The following FANCA variants were observed in gnomAD, a reference collection of about 807,000 sequenced individuals.
FANCA encodes the protein Fanconi anemia group A protein.
A neutral mutation model predicts 194.3 loss-of-function variants in FANCA; 236 were observed. The observed-to-expected ratio is 1.21, with a 90% confidence interval of 1.09 to 1.35. The LOEUF (loss-of-function observed/expected upper bound fraction) is 1.35, where lower values mean the gene tolerates loss of function less well. Ranked by LOEUF, FANCA falls within the 40% of genes most tolerant of loss-of-function variation. The pLI is 0.00. For missense variants in FANCA, 2,628 were observed against 1,813.9 expected, an observed-to-expected ratio of 1.45 and a Z score of -8.15; for synonymous variants, 1,014 against 715.8, an observed-to-expected ratio of 1.42 and a Z score of -6.65.
At chr16:89,749,588 C>A in intron 32 of FANCA, 142 bp downstream of exon 32, 1 of 1,081,702 alleles carries the variant, frequency 9.2e-7, no homozygotes, top group Non-Finnish European at 1.4e-6. Context: ...GCATGTGCCA[C>A]AGAAATGGAC....
Position 89,740,879 on chromosome 16 carries a change from AC to A in FANCA, c.3766-14del. ...GGAAAACCAATAGCTGTAAATAAAA[AC>A]GTGCACTTATTATTACATTAAAATT... On this transcript the variant is annotated splice_polypyrimidine_tract_variant and intron_variant, in intron 37 of 42. Coordinates refer to ENST00000389301, the MANE Select transcript of FANCA (RefSeq NM_000135.4). The A allele has an allele frequency of 1.2e-6, 2 of 1,607,248 alleles. No homozygotes were observed. Among genetic ancestry groups the A allele is most frequent in the African/African-American group, 2.7e-5 (2 of 74,804 alleles).
chr16:89,801,467 C>T lies in FANCA; in HGVS notation c.792+1792G>A, dbSNP rs187760240. Among the ~76,000 whole-genome samples the T allele has an allele frequency of 1.1e-3, 171 of 152,150 alleles. 1 individual carries two copies. Among genetic ancestry groups the T allele is most frequent in the African/African-American group, 4.0e-3 (166 of 41,490 alleles). On this transcript the variant is annotated intron_variant, in intron 8 of 42. Coordinates refer to ENST00000389301, the MANE Select transcript of FANCA (RefSeq NM_000135.4). ...TCAAGAAAACAAAAAATAACAAATGCTGGTGAGAATGCAAACAGAACTCTT... is the reference window on the plus strand; with the variant it reads ...TCAAGAAAACAAAAAATAACAAATGTTGGTGAGAATGCAAACAGAACTCTT...
In FANCA at chr16:89,810,956, G is replaced by T. The variant is rs56190097; in HGVS notation, c.399C>A (p.His133Gln). ...QICTAPAETS[H>Q]PVLLTVEQRK... is the part of the protein sequence containing the mutation. The stretch of plus-strand genomic sequence containing the variant: ...TCTGCTCCACAGTCAGCAGCACAGG[G>T]TGACTGGTCTCCGCTGGAGCCGTGC... Residue 133 changes from histidine to glutamine, a missense_variant, in exon 4 of 43, where the codon CAC (histidine) becomes CAA (glutamine). His to Gln is a conservative substitution (Grantham distance 24). Transcript: ENST00000389301. The T allele has an allele frequency of 6.2e-7, 1 of 1,614,004 alleles. No homozygotes were observed. Among genetic ancestry groups the T allele is most frequent in the Non-Finnish European group, 8.5e-7 (1 of 1,180,054 alleles).
chr16:89,816,352 G>C, intron 1 of FANCA, 185 bp downstream of exon 1: 1 of 326,830 alleles, frequency 3.1e-6, no homozygotes, highest in Non-Finnish European at 5.3e-6. Flanking sequence ...GTCCGCCCAG[G>C]CGCAGGAGGG....
At chr16:89,799,275 G>T in intron 9 of FANCA, 43 bp from the exon 10 acceptor site, 3 of 1,610,720 alleles carry the variant, frequency 1.9e-6, no homozygotes, top group Non-Finnish European at 2.5e-6. Context: ...TCAGCACACG[G>T]CGGCAGCCCA....
At chr16:89,806,103 G>A (rs920412174) in intron 6 of FANCA, among the ~76,000 whole-genome samples, 4 of 152,022 alleles carry the variant, frequency 2.6e-5, no homozygotes, top group Non-Finnish European at 4.4e-5. Flanking sequence ...AGTAGAGACA[G>A]GGTTTCACCA....
chr16:89,772,097 T>G (rs928406505), intron 22 of FANCA, among the ~76,000 whole-genome samples: 4 of 152,222 alleles, frequency 2.6e-5, no homozygotes, highest in Non-Finnish European at 4.4e-5. Flanking sequence ...CCTCCCCATC[T>G]GAAATCCCAT....
intron 14 of FANCA, among the ~76,000 whole-genome samples, chr16:89,790,459 G>C (rs951669420): frequency 6.6e-6 from 1 of 151,760 alleles, no homozygotes; most frequent in African/African-American, 2.4e-5. Flanking sequence ...GGCCAGGTGC[G>C]CTGGCTCATG....
At chr16:89,809,278 T>A (rs1567652051) in intron 5 of FANCA, among the ~76,000 whole-genome samples, 2 of 152,092 alleles carry the variant, frequency 1.3e-5, no homozygotes, top group Non-Finnish European at 2.9e-5. Context: ...ATGTCCAACA[T>A]CTTCTTCGCA....
At chr16:89,739,666 A>G in intron 39 of FANCA, 113 bp from the exon 40 acceptor site, 1 of 1,504,860 alleles carries the variant, frequency 6.6e-7, no homozygotes, top group Non-Finnish European at 9.0e-7. Context: ...CTGTGGGGAT[A>G]GTGTGGGGCG....
At chr16:89,763,155 G>C (rs2039011005) in intron 28 of FANCA, among the ~76,000 whole-genome samples, 1 of 151,980 alleles carries the variant, frequency 6.6e-6, no homozygotes, top group South Asian at 2.1e-4. Context: ...GCCGAGTCAG[G>C]AGAATCCCTT....
rs1359653342 is a variant in FANCA at position 89,738,141 on chromosome 16, A to C, written c.*460T>G. On this transcript the variant is annotated 3_prime_UTR_variant, in exon 43 of 43. Transcript: ENST00000389301. ...ACATGTCCATGGTGCACCCGCTGAC[A>C]CAGACCCAGGACAAGGCCCTGCCCC... 6.2e-7 allele frequency: 1 copy of C among 1,613,642 alleles called. No homozygotes were observed. The highest frequency in any genetic ancestry group is 8.5e-7 in the Non-Finnish European group (1 of 1,179,998).
At chr16:89,760,233 C>A (rs560872362) in intron 29 of FANCA, among the ~76,000 whole-genome samples, 17 of 152,238 alleles carry the variant, frequency 1.1e-4, no homozygotes, top group African/African-American at 3.9e-4. Context: ...GGAGGAGAAA[C>A]GGGGGTGAGT....
At chr16:89,758,547 G>C (rs1180317907) in intron 30 of FANCA, 30 bp downstream of exon 30, 11 of 1,610,898 alleles carry the variant, frequency 6.8e-6, no homozygotes, top group Admixed American at 1.7e-5. Flanking sequence ...TGTCCCTCCA[G>C]AGAACCCTAA....
chr16:89,745,207 G>C (rs1177580819), intron 35 of FANCA, 136 bp from the exon 36 acceptor site: 6 of 811,522 alleles, frequency 7.4e-6, no homozygotes, highest in Non-Finnish European at 1.2e-5. Flanking sequence ...GAACTCCAAA[G>C]CCAGTATTTT....
chr16:89,781,518 A>T (rs1016355985), intron 17 of FANCA, among the ~76,000 whole-genome samples: 4 of 146,612 alleles, frequency 2.7e-5, no homozygotes, highest in Non-Finnish European at 4.5e-5. Flanking sequence ...CTAAAAAAAT[A>T]CAAAAAAATT....
At chr16:89,755,865 G>A (rs1244570715) in intron 30 of FANCA, among the ~76,000 whole-genome samples, 2 of 151,908 alleles carry the variant, frequency 1.3e-5, no homozygotes, top group African/African-American at 2.4e-5. Context: ...ACGGCCCACC[G>A]CACAGACACA....
rs756023006 is a variant in FANCA at position 89,811,073 on chromosome 16, T to G, written c.284-2A>C. The G allele has an allele frequency of 6.2e-7, 1 of 1,613,964 alleles. No individual in the cohort carries two copies. The highest frequency in any genetic ancestry group is 1.1e-5 in the South Asian group (1 of 91,082). ...AGGCTTGATCCTGCAAAGCAGAGCC[T>G]TAAACACAAAACAAAACCATAGCTT... On this transcript the variant is annotated splice_acceptor_variant, in intron 3 of 42. Coordinates refer to ENST00000389301, the MANE Select transcript of FANCA (RefSeq NM_000135.4). LOFTEE classifies it high-confidence loss of function.
chr16:89,792,750 T>C (rs549729513), intron 11 of FANCA: 7 of 524,188 alleles, frequency 1.3e-5, no homozygotes, highest in African/African-American at 9.6e-5. Context: ...CGGAGACCGG[T>C]AGTGGCCCTG....
Sources: allele counts gnomAD v4.1 joint callset (sites outside exome capture counted in the v4.1 genomes callset), GRCh38; gene constraint gnomAD v4.1.1; transcripts MANE v1.5; gene names NCBI Gene and HGNC (gene_info 2026-07-23, HGNC 2026-07-21).